Variants in WDR49 observed in about 807,000 individuals in gnomAD.
WDR49 encodes cilia- and flagella-associated protein 337.
WDR49 carries 107 observed loss-of-function variants against 119.5 expected under a neutral mutation model. The observed-to-expected ratio is 0.90, with a 90% CI of 0.77 to 1.05. The LOEUF (loss-of-function observed/expected upper bound fraction) is 1.05. Ranked by LOEUF, WDR49 falls within the 50% of genes least tolerant of loss-of-function variation. The probability of loss-of-function intolerance (pLI) is 0.00; values close to 1 mark genes in which losing one functional copy is unlikely to be tolerated. For synonymous variants in WDR49, 425 were observed against 418.8 expected, an observed-to-expected ratio of 1.01 and a Z score of -0.18; for missense variants, 1,240 against 1,220.5, an observed-to-expected ratio of 1.02 and a Z score of -0.24.
chr3:167,599,052 G>C (rs904393498), intron 7 of WDR49, among the ~76,000 whole-genome samples: 1 of 152,140 alleles, frequency 6.6e-6, no homozygotes, highest in Non-Finnish European at 1.5e-5. Context: ...GCACAGCACT[G>C]GGTCTTGCCA....
chr3:167,479,468 A>G (rs1168611991), intron 18 of WDR49, among the ~76,000 whole-genome samples: 1 of 152,196 alleles, frequency 6.6e-6, no homozygotes, highest in South Asian at 2.1e-4. Context: ...AATTATTTCC[A>G]TGAGTGGTTA....
intron 2 of WDR49, among the ~76,000 whole-genome samples, chr3:167,651,142 C>T (rs1718358449): frequency 6.6e-6 from 1 of 152,134 alleles, no homozygotes; most frequent in South Asian, 2.1e-4. Flanking sequence ...GACCCAACTT[C>T]CTGTTTTTTC....
At chr3:167,489,029 TTATTA>T (rs1751027347) in intron 18 of WDR49, among the ~76,000 whole-genome samples, 1 of 152,138 alleles carries the variant, frequency 6.6e-6, no homozygotes, top group Admixed American at 6.6e-5. Flanking sequence ...TAATGTCACC[TTATTA>T]TATTATCTTG....
rs148262042 is a variant in WDR49 at position 167,588,431 on chromosome 3, T to C, written c.1276-12280A>G. Reference sequence around the variant, plus strand: ...ACAAACATGGAAGTGCAGATATCTATACGATATACTGATTTCTTTTCTTTG... The same window carrying C: ...ACAAACATGGAAGTGCAGATATCTACACGATATACTGATTTCTTTTCTTTG... On this transcript the variant is annotated intron_variant, in intron 7 of 18. Transcript: ENST00000682715. Among the ~76,000 whole-genome samples the C allele has an allele frequency of 3.3e-3, 510 of 152,304 alleles. 3 individuals are homozygous for C. The highest frequency in any genetic ancestry group is 0.011 in the African/African-American group (473 of 41,566).
intron 10 of WDR49, among the ~76,000 whole-genome samples, chr3:167,542,140 C>A (rs899602350): frequency 1.8e-4 from 27 of 152,056 alleles, no homozygotes; most frequent in African/African-American, 6.5e-4. Context: ...ATTTATGAAA[C>A]AATTATTAGT....
At chr3:167,583,213 C>T (rs1560297431) in intron 7 of WDR49, among the ~76,000 whole-genome samples, 1 of 151,716 alleles carries the variant, frequency 6.6e-6, no homozygotes, top group Non-Finnish European at 1.5e-5. Flanking sequence ...GATCACAGCT[C>T]CTCTTTTAAT....
intron 10 of WDR49, among the ~76,000 whole-genome samples, chr3:167,546,408 A>G (rs926382625): frequency 3.3e-5 from 5 of 151,928 alleles, no homozygotes; most frequent in Non-Finnish European, 7.4e-5. Context: ...TACTTTCTCT[A>G]TTTCAAAGAT....
intron 11 of WDR49, among the ~76,000 whole-genome samples, chr3:167,536,301 A>C (rs1753023795): frequency 1.3e-5 from 2 of 152,164 alleles, no homozygotes. Context: ...TGATCATTGC[A>C]CAATTTATAC....
chr3:167,628,286 G>A (rs1437770598), intron 2 of WDR49, among the ~76,000 whole-genome samples: 2 of 152,012 alleles, frequency 1.3e-5, no homozygotes, highest in Admixed American at 6.6e-5. Flanking sequence ...TAAATCAAAA[G>A]CTAAAAATGA....
chr3:167,633,259 A>G (rs1717455963), intron 2 of WDR49: 1 of 349,510 alleles, frequency 2.9e-6, no homozygotes, highest in East Asian at 7.5e-5. Flanking sequence ...ATGGTCTGAA[A>G]TCCTCTGCTT....
intron 10 of WDR49, among the ~76,000 whole-genome samples, chr3:167,547,989 T>C (rs1160420396): frequency 6.6e-6 from 1 of 152,022 alleles, no homozygotes; most frequent in Non-Finnish European, 1.5e-5. Flanking sequence ...AACTTCCATA[T>C]GTTAATACAG....
At chr3:167,585,391 C>CGT (rs59424091) in intron 7 of WDR49, among the ~76,000 whole-genome samples, 11,551 of 137,316 alleles carry the variant, frequency 0.084, 473 homozygotes, top group South Asian at 0.14. Context: ...TAAAAGGGTG[C>CGT]GTGTGTGTGT....
chr3:167,579,889 T>C (rs974397252), intron 7 of WDR49, among the ~76,000 whole-genome samples: 2 of 152,122 alleles, frequency 1.3e-5, no homozygotes, highest in African/African-American at 4.8e-5. Context: ...GGACCCCTTC[T>C]AAGAAATAGA....
At chr3:167,555,152 C>G (rs1712850025) in intron 9 of WDR49, among the ~76,000 whole-genome samples, 2 of 152,116 alleles carry the variant, frequency 1.3e-5, no homozygotes, top group African/African-American at 4.8e-5. Flanking sequence ...ACCCTGAAAC[C>G]CCTAGGGAGC....
upstream of WDR49, among the ~76,000 whole-genome samples, chr3:167,655,524 A>G (rs939981141): frequency 1.8e-4 from 28 of 152,324 alleles, no homozygotes; most frequent in African/African-American, 6.7e-4. Flanking sequence ...TCCTGTACCC[A>G]TTATAGAAAA....
chr3:167,520,125 T>C (rs1175245152), intron 16 of WDR49, among the ~76,000 whole-genome samples: 1 of 151,680 alleles, frequency 6.6e-6, no homozygotes, highest in African/African-American at 2.4e-5. Context: ...GGCATGCCTG[T>C]AGTCCGAGCT....
intron 16 of WDR49, among the ~76,000 whole-genome samples, chr3:167,514,036 A>C (rs1255349066): frequency 6.6e-6 from 1 of 152,190 alleles, no homozygotes; most frequent in African/African-American, 2.4e-5. Flanking sequence ...CCAACTGTCA[A>C]TATTAGACAG....
chr3:167,615,437 T>C (rs1434393289), intron 5 of WDR49, among the ~76,000 whole-genome samples: 1 of 138,616 alleles, frequency 7.2e-6, no homozygotes. Flanking sequence ...CTCCCGGCTC[T>C]CCATTTAAAA....
At chr3:167,503,794 T>C (rs1751667007) in intron 17 of WDR49, among the ~76,000 whole-genome samples, 1 of 152,070 alleles carries the variant, frequency 6.6e-6, no homozygotes, top group Admixed American at 6.5e-5. Context: ...TTGCAAGATT[T>C]AATAGAGTGA....
Sources: allele counts gnomAD v4.1 joint callset (sites outside exome capture counted in the v4.1 genomes callset), GRCh38; gene constraint gnomAD v4.1.1; transcripts MANE v1.5; gene names NCBI Gene and HGNC (gene_info 2026-07-23, HGNC 2026-07-21).